TENM1: variants seen among roughly 807,000 people sequenced by gnomAD.
TENM1 encodes teneurin transmembrane protein 1.
Under a neutral mutation model 174.8 loss-of-function variants are expected in TENM1, and 35 were observed. The ratio of observed to expected loss-of-function variants is 0.20; its 90% CI spans 0.15 to 0.27. The LOEUF (loss-of-function observed/expected upper bound fraction) is 0.27. Ranked by LOEUF, TENM1 falls within the 10% of genes least tolerant of loss-of-function variation. The probability of loss-of-function intolerance (pLI) is 1.00; values close to 1 mark genes in which losing one functional copy is unlikely to be tolerated. For missense variants in TENM1, 1,633 were observed against 2,130.1 expected (o/e 0.77, Z 4.59); for synonymous variants, 781 against 798.7 (o/e 0.98, Z 0.37).
At chrX:124,535,763 G>C (rs2048193581) in intron 15 of TENM1, among the ~76,000 whole-genome samples, 1 of 112,137 alleles carries the variant, frequency 8.9e-6, no homozygotes, top group Non-Finnish European at 1.9e-5. Flanking sequence ...CACAGCACAT[G>C]CTCAAGACAG....
intron 3 of TENM1, among the ~76,000 whole-genome samples, chrX:124,762,276 T>C (rs2054436857): frequency 8.9e-6 from 1 of 111,915 alleles, no homozygotes; most frequent in African/African-American, 3.2e-5. Flanking sequence ...GGCTACAACA[T>C]ATAAATTTGG....
At position 124,658,567 on chromosome X, in the gene TENM1, T is replaced by C. The variant is rs184944690; in HGVS notation, c.1169-4784A>G. Reference sequence around the variant, plus strand: ...AAGAATTTACTGGTGAGAGGAAGAATTATAACTATTTACACACATAGGCCT... The same window carrying C: ...AAGAATTTACTGGTGAGAGGAAGAACTATAACTATTTACACACATAGGCCT... On this transcript the variant is annotated intron_variant, in intron 6 of 31. Coordinates refer to ENST00000422452, the Ensembl canonical transcript of TENM1. 7.1e-5 allele frequency among the ~76,000 whole-genome samples: 8 copies of C among 111,959 alleles called. No homozygotes were observed. The East Asian group carries it at 2.0e-3, about 27-fold the overall frequency.
intron 1 of TENM1, among the ~76,000 whole-genome samples, chrX:124,918,044 A>C (rs752691259): frequency 5.5e-4 from 62 of 112,196 alleles, no homozygotes; most frequent in African/African-American, 2.0e-3. Flanking sequence ...AACAAACAGA[A>C]ACCTTCTCTA....
At chrX:124,850,016 T>C (rs2056688079) in intron 3 of TENM1, among the ~76,000 whole-genome samples, 2 of 111,790 alleles carry the variant, frequency 1.8e-5, no homozygotes, top group South Asian at 3.7e-4. Context: ...GAAGTGGCCA[T>C]AGATTAGGAT....
the TENM1 span, among the ~76,000 whole-genome samples, chrX:125,060,749 C>T: frequency 9.1e-6 from 1 of 110,446 alleles, no homozygotes; most frequent in Admixed American, 9.8e-5. Flanking sequence ...TCAATTATAA[C>T]TTCCCTCTGG....
chrX:125,049,612 C>T, the TENM1 span, among the ~76,000 whole-genome samples: 1 of 111,842 alleles, frequency 8.9e-6, no homozygotes, highest in Non-Finnish European at 1.9e-5. Flanking sequence ...GAGGCAATGA[C>T]AAACTTTTCC....
At chrX:124,968,009 A>G (rs1230182198), upstream of TENM1, among the ~76,000 whole-genome samples, 2 of 112,121 alleles carry the variant, frequency 1.8e-5, no homozygotes, top group Non-Finnish European at 3.8e-5. Flanking sequence ...AAAAATATAC[A>G]AAGATAGTCT....
chrX:125,086,821 G>A, the TENM1 span, among the ~76,000 whole-genome samples: 1 of 110,964 alleles, frequency 9.0e-6, no homozygotes, highest in Non-Finnish European at 1.9e-5. Flanking sequence ...AGAATTTAAG[G>A]CCATGTTCTC....
chrX:125,080,498 T>C, the TENM1 span, among the ~76,000 whole-genome samples: 1 of 111,376 alleles, frequency 9.0e-6, no homozygotes, highest in Non-Finnish European at 1.9e-5. Context: ...ACAAGACATA[T>C]TGTTAGGTGC....
chrX:124,710,647 A>G (rs910145770), intron 4 of TENM1, among the ~76,000 whole-genome samples: 2 of 112,356 alleles, frequency 1.8e-5, no homozygotes, highest in Non-Finnish European at 1.9e-5. Context: ...CAACAGTTGC[A>G]GCAGAACAAC....
At chrX:124,514,634 T>G (rs190317357) in intron 18 of TENM1, among the ~76,000 whole-genome samples, 2 of 110,748 alleles carry the variant, frequency 1.8e-5, no homozygotes, top group East Asian at 5.7e-4. Context: ...CAGGAAGAAA[T>G]TGGTTCCCTG....
chrX:124,563,752 G>T, exon 13 of TENM1: 1 of 1,189,417 alleles, frequency 8.4e-7, no homozygotes, highest in South Asian at 1.9e-5. Flanking sequence ...ATCTTACCTC[G>T]GACAGCATCT....
intron 1 of TENM1, among the ~76,000 whole-genome samples, chrX:124,950,487 G>A (rs1007172734): frequency 1.8e-5 from 2 of 111,867 alleles, no homozygotes; most frequent in African/African-American, 6.5e-5. Context: ...GAAAATGGTA[G>A]AAATTTCCTG....
chrX:124,426,204 G>C (rs974126763), intron 23 of TENM1, among the ~76,000 whole-genome samples: 3 of 111,154 alleles, frequency 2.7e-5, no homozygotes, highest in Admixed American at 9.5e-5. Context: ...GTTTCTCAGG[G>C]AACTGTGTTC....
intron 5 of TENM1, among the ~76,000 whole-genome samples, chrX:124,683,743 T>G (rs780057163): frequency 8.9e-6 from 1 of 112,071 alleles, no homozygotes; most frequent in Non-Finnish European, 1.9e-5. Flanking sequence ...ATCACTTTGT[T>G]GTCCTAAGCT....
chrX:124,887,955 C>CA (rs1334615942), intron 3 of TENM1, among the ~76,000 whole-genome samples: 26 of 108,246 alleles, frequency 2.4e-4, no homozygotes, highest in African/African-American at 7.0e-4. Context: ...CAGGGGAAAA[C>CA]AAAAAAAAAG....
intron 4 of TENM1, among the ~76,000 whole-genome samples, chrX:124,722,879 G>A (rs931896235): frequency 2.9e-5 from 3 of 104,635 alleles, no homozygotes; most frequent in Admixed American, 2.1e-4. Flanking sequence ...GAAGCTCTAT[G>A]TCCTTGTTGG....
chrX:125,134,501 C>T, the TENM1 span, among the ~76,000 whole-genome samples: 1 of 112,222 alleles, frequency 8.9e-6, no homozygotes. Context: ...TCTACATATA[C>T]CAAACTGGGC....
intron 20 of TENM1, among the ~76,000 whole-genome samples, chrX:124,494,799 G>C (rs1444611199): frequency 9.3e-6 from 1 of 108,105 alleles, no homozygotes; most frequent in Non-Finnish European, 1.9e-5. Context: ...TACTGAGAAT[G>C]ATGATTTCCA....
Sources: gnomAD v4.1 joint callset for allele counts (sites outside exome capture counted in the v4.1 genomes callset) on GRCh38, gnomAD v4.1.1 for gene constraint, MANE v1.5 for transcripts, NCBI Gene and HGNC (gene_info 2026-07-23, HGNC 2026-07-21) for gene names.